Variants in JARID2 observed in about 807,000 individuals in gnomAD.
JARID2 encodes protein Jumonji.
In JARID2, 21 loss-of-function variants were observed where a neutral mutation model predicts 125.6. The ratio of observed to expected loss-of-function variants is 0.17; its 90% CI spans 0.12 to 0.24. JARID2 has a LOEUF of 0.24. Ranked by LOEUF, JARID2 falls within the 10% of genes least tolerant of loss-of-function variation. JARID2 has a pLI of 1.00. For missense variants in JARID2, 1,303 were observed against 1,639.6 expected, an observed-to-expected ratio of 0.79 and a Z score of 3.55; for synonymous variants, 736 against 661.6, an observed-to-expected ratio of 1.11 and a Z score of -1.73.
intron 1 of JARID2, among the ~76,000 whole-genome samples, chr6:15,341,900 A>G (rs998194238): frequency 2.0e-5 from 3 of 152,248 alleles, no homozygotes; most frequent in Non-Finnish European, 2.9e-5. Context: ...CATTATTTCA[A>G]TCCTATTTAA....
At chr6:15,407,267 C>T (rs978838686) in intron 2 of JARID2, among the ~76,000 whole-genome samples, 1 of 151,904 alleles carries the variant, frequency 6.6e-6, no homozygotes, top group African/African-American at 2.4e-5. Flanking sequence ...TCCCTCTGCA[C>T]CCCCACCCCC....
intron 1 of JARID2, among the ~76,000 whole-genome samples, chr6:15,272,923 T>G (rs559727184): frequency 2.8e-4 from 43 of 152,370 alleles, no homozygotes; most frequent in Admixed American, 3.3e-4. Context: ...CCATTGGCTC[T>G]TTAAAAATCA....
chr6:15,451,750 T>A (rs572866937), intron 3 of JARID2, among the ~76,000 whole-genome samples: 4 of 152,342 alleles, frequency 2.6e-5, no homozygotes, highest in African/African-American at 7.2e-5. Flanking sequence ...CATGTATTTC[T>A]ACACACATGT....
At chr6:15,314,010 C>G (rs1762100979) in intron 1 of JARID2, among the ~76,000 whole-genome samples, 1 of 152,126 alleles carries the variant, frequency 6.6e-6, no homozygotes, top group African/African-American at 2.4e-5. Context: ...GGAGAGGATA[C>G]TGCATCTGGA....
chr6:15,501,546 G>C, intron 8 of JARID2, 137 bp downstream of exon 8: 4 of 748,458 alleles, frequency 5.3e-6, no homozygotes, highest in Non-Finnish European at 4.2e-6. Flanking sequence ...ACTGTGCTGG[G>C]TGATAGCGCT....
At chr6:15,335,602 C>T (rs1001418396) in intron 1 of JARID2, among the ~76,000 whole-genome samples, 1 of 152,284 alleles carries the variant, frequency 6.6e-6, no homozygotes, top group East Asian at 1.9e-4. Context: ...GTTGCAGTTC[C>T]CCTTTCTCTG....
At chr6:15,321,783 G>GT (rs71687714) in intron 1 of JARID2, among the ~76,000 whole-genome samples, 1,112 of 68,494 alleles carry the variant, frequency 0.016, 176 homozygotes, top group African/African-American at 0.046. Flanking sequence ...AAGAATTCTT[G>GT]TTTTTTTTTT....
chr6:15,334,602 C>T (rs1277948500), intron 1 of JARID2, among the ~76,000 whole-genome samples: 2 of 152,284 alleles, frequency 1.3e-5, no homozygotes, highest in Non-Finnish European at 1.5e-5. Flanking sequence ...TTTTCCATTG[C>T]GCTTTGGGGT....
chr6:15,289,330 T>C (rs186569847), intron 1 of JARID2, among the ~76,000 whole-genome samples: 4 of 152,332 alleles, frequency 2.6e-5, no homozygotes, highest in African/African-American at 9.6e-5. Context: ...CTTTTGTGGG[T>C]AACTGTCTAA....
At chr6:15,358,658 C>G (rs1763688448) in intron 1 of JARID2, among the ~76,000 whole-genome samples, 2 of 152,166 alleles carry the variant, frequency 1.3e-5, no homozygotes, top group Admixed American at 1.3e-4. Flanking sequence ...TTCTCATTTT[C>G]AGAGAATTAC....
At chr6:15,517,311 G>A (rs372576273) in intron 17 of JARID2, 43 bp downstream of exon 17, 135 of 1,359,946 alleles carry the variant, frequency 9.9e-5, no homozygotes, top group African/African-American at 1.4e-4. Flanking sequence ...GCAGCGTGGC[G>A]CCTTCCCTGC....
chr6:15,348,452 G>A (rs754391079), intron 1 of JARID2, among the ~76,000 whole-genome samples: 3 of 152,108 alleles, frequency 2.0e-5, no homozygotes, highest in Non-Finnish European at 2.9e-5. Flanking sequence ...ATCTTTGTGT[G>A]GAGGGGTTCT....
In JARID2 at chr6:15,513,174, TC is replaced by T. The variant is rs1771362053; in HGVS notation, c.3267-61del. ...GGGAGGCCGGTGTGGGGTGCGTGTG[TC>T]CCCTCTGCTGGTGAGCATGGCAGGC... On this transcript the variant is annotated intron_variant, in intron 15 of 17. Transcript: ENST00000341776. The T allele has an allele frequency of 7.7e-6, 12 of 1,556,138 alleles. No individual in the cohort carries two copies. The South Asian group carries it at 1.3e-4, about 17-fold the overall frequency.
rs757069709 is a variant in JARID2, at chr6:15,511,409, C to T, written c.2952+8C>T. On this transcript the variant is annotated splice_region_variant and intron_variant, in intron 13 of 17. Coordinates refer to ENST00000341776, the MANE Select transcript of JARID2 (RefSeq NM_004973.4). ...CTGGAAAGCAACGTCATGGTGCGTC[C>T]ACTCAGCCACCGCCTCCAGCAGGAG... The T allele has an allele frequency of 1.3e-6, 2 of 1,592,456 alleles. No homozygotes were observed. The highest frequency in any genetic ancestry group is 1.1e-5 in the South Asian group (1 of 90,676).
chr6:15,511,216 A>AGG, intron 12 of JARID2, 80 bp from the exon 13 acceptor site: 1 of 964,228 alleles, frequency 1.0e-6, no homozygotes, highest in Non-Finnish European at 1.7e-6. Flanking sequence ...CGGGTCCCTG[A>AGG]GGGTGACGGG....
chr6:15,427,658 AC>A (rs1462343294), intron 3 of JARID2, among the ~76,000 whole-genome samples: 1 of 151,466 alleles, frequency 6.6e-6, no homozygotes, highest in Non-Finnish European at 1.5e-5. Flanking sequence ...TCTAAACACC[AC>A]CCTGATCTTT....
At chr6:15,251,530 T>G (rs1415444503) in intron 1 of JARID2, among the ~76,000 whole-genome samples, 1 of 152,236 alleles carries the variant, frequency 6.6e-6, no homozygotes, top group Admixed American at 6.5e-5. Context: ...CTGACTGATA[T>G]CCCAGGATAC....
Position 15,496,253 on chromosome 6 carries a change from C to T in JARID2, c.1028C>T (p.Thr343Met), listed in dbSNP as rs539847575. 3.7e-6 allele frequency: 6 copies of T among 1,614,144 alleles called. No individual in the cohort carries two copies. The highest frequency in any genetic ancestry group is 2.2e-5 in the South Asian group (2 of 91,076). Residue 343 changes from threonine (T) to methionine (M), a missense_variant, in exon 7 of 18, where the codon ACG becomes ATG. By Grantham distance (81) the Thr-to-Met change is moderately conservative. Coordinates refer to ENST00000341776, the MANE Select transcript of JARID2 (RefSeq NM_004973.4). ...SKTVKYTATV[T>M]KGAVTYTKAK... ...ACTGTGAAGTACACTGCCACGGTGA[C>T]GAAGGGGGCTGTCACATACACCAAA...
At chr6:15,512,544 G>T (rs1208473076) in intron 14 of JARID2, among the ~76,000 whole-genome samples, 154 bp downstream of exon 14, 5 of 152,312 alleles carry the variant, frequency 3.3e-5, no homozygotes, top group African/African-American at 9.6e-5. Context: ...TGGTTGAAAG[G>T]TCTTCTAGGA....
Sources: gnomAD v4.1 joint callset for allele counts (sites outside exome capture counted in the v4.1 genomes callset) on GRCh38, gnomAD v4.1.1 for gene constraint, MANE v1.5 for transcripts, NCBI Gene and HGNC (gene_info 2026-07-23, HGNC 2026-07-21) for gene names.